The following CDC14B variants were observed in gnomAD, a reference collection of about 807,000 sequenced individuals.
CDC14B encodes the protein dual specificity protein phosphatase CDC14B.
Under a neutral mutation model 64.2 loss-of-function variants are expected in CDC14B, and 22 were observed. The ratio of observed to expected loss-of-function variants is 0.34; its 90% CI spans 0.24 to 0.49. The LOEUF is 0.49. Ranked by LOEUF, CDC14B falls within the 20% of genes least tolerant of loss-of-function variation. The probability of loss-of-function intolerance (pLI) is 0.99; values close to 1 mark genes in which losing one functional copy is unlikely to be tolerated. For synonymous variants in CDC14B, 191 were observed against 215.8 expected (o/e 0.89, Z 1.01); for missense variants, 498 against 629.9 (o/e 0.79, Z 2.24).
At chr9:96,606,527 T>TTGTGTGTGTG (rs376059971) in intron 1 of CDC14B, among the ~76,000 whole-genome samples, 1,231 of 112,822 alleles carry the variant, frequency 0.011, 14 homozygotes, top group Admixed American at 0.016. Context: ...TACTAAAAGT[T>TTGTGTGTGTG]TGTGTGTGTG....
At chr9:96,538,115 A>G (rs1221606724) in intron 7 of CDC14B, among the ~76,000 whole-genome samples, 3 of 152,214 alleles carry the variant, frequency 2.0e-5, no homozygotes, top group African/African-American at 7.2e-5. Context: ...AAAAACAAAG[A>G]TATTTTCCAG....
chr9:96,564,955 C>A, intron 2 of CDC14B, 103 bp from the exon 3 acceptor site: 2 of 699,068 alleles, frequency 2.9e-6, no homozygotes, highest in Non-Finnish European at 2.4e-6. Context: ...CAAGCATATA[C>A]CAAATTGTTA....
At chr9:96,547,239 T>A (rs1587912892) in intron 5 of CDC14B, among the ~76,000 whole-genome samples, 1 of 151,446 alleles carries the variant, frequency 6.6e-6, no homozygotes, top group East Asian at 2.0e-4. Flanking sequence ...CCGAGGCTGG[T>A]GGATCACCTG....
intron 1 of CDC14B, among the ~76,000 whole-genome samples, chr9:96,602,177 T>C (rs961932071): frequency 3.3e-5 from 5 of 152,228 alleles, no homozygotes; most frequent in African/African-American, 1.2e-4. Context: ...TTCTGGCCTG[T>C]GAGCTATGAG....
intron 1 of CDC14B, among the ~76,000 whole-genome samples, chr9:96,578,380 G>A (rs1257879937): frequency 1.3e-5 from 2 of 152,118 alleles, no homozygotes; most frequent in Non-Finnish European, 2.9e-5. Context: ...GACTTGTTTC[G>A]AAGAATACAG....
Position 96,501,315 on chromosome 9 carries a change from AT to A in CDC14B, c.*2437del, listed in dbSNP as rs1382819303. 1 of 152,070 alleles carries A rather than the reference AT, an allele frequency of 6.6e-6. No homozygotes were observed. The highest frequency in any genetic ancestry group is 2.4e-5 in the African/African-American group (1 of 41,404). 9.4% of individuals were successfully genotyped at this position (152,070 alleles called of 1,614,324 possible). ...ACCGTCCCAGTGTACTTTCAGGGCT[AT>A]TTAAGGCTCTTAGGTTAAGGGGATC... On this transcript the variant is annotated 3_prime_UTR_variant, in exon 14 of 14. Coordinates refer to ENST00000375241, the MANE Select transcript of CDC14B (RefSeq NM_033331.4).
intron 4 of CDC14B, among the ~76,000 whole-genome samples, chr9:96,554,083 G>T (rs572804005): frequency 1.1e-3 from 174 of 152,224 alleles, no homozygotes; most frequent in African/African-American, 3.9e-3. Context: ...AGAATCCCTT[G>T]AACCCAGGAG....
chr9:96,505,853 G>C (rs1212028664), intron 13 of CDC14B, among the ~76,000 whole-genome samples: 2 of 152,208 alleles, frequency 1.3e-5, no homozygotes, highest in African/African-American at 2.4e-5. Flanking sequence ...GGATACACGA[G>C]GGGATAGTCA....
chr9:96,600,386 T>A (rs1846355881), intron 1 of CDC14B, among the ~76,000 whole-genome samples: 1 of 152,066 alleles, frequency 6.6e-6, no homozygotes, highest in African/African-American at 2.4e-5. Flanking sequence ...CTCTTCACTT[T>A]ATACTTATTC....
At chr9:96,529,704 G>A (rs530104754) in intron 9 of CDC14B, among the ~76,000 whole-genome samples, 2 of 151,882 alleles carry the variant, frequency 1.3e-5, no homozygotes, top group South Asian at 2.1e-4. Flanking sequence ...TGCTGTCCAG[G>A]GTGGTCTTAA....
intron 1 of CDC14B, among the ~76,000 whole-genome samples, chr9:96,609,739 G>T (rs183121181): frequency 9.2e-4 from 140 of 152,278 alleles, no homozygotes; most frequent in African/African-American, 3.1e-3. Flanking sequence ...AGAAAGTAAT[G>T]TTACTTTCAA....
chr9:96,513,793 T>C (rs2131374139), intron 12 of CDC14B, among the ~76,000 whole-genome samples: 1 of 152,272 alleles, frequency 6.6e-6, no homozygotes, highest in East Asian at 1.9e-4. Context: ...TTTCCCACTA[T>C]CTCTGAGTCT....
intron 4 of CDC14B, among the ~76,000 whole-genome samples, chr9:96,552,819 C>T (rs1427279589): frequency 4.0e-5 from 6 of 151,816 alleles, no homozygotes; most frequent in Non-Finnish European, 7.4e-5. Context: ...GAGGCGGGAG[C>T]GGTGGGAAGG....
At chr9:96,556,029 C>T (rs140739286) in intron 4 of CDC14B, among the ~76,000 whole-genome samples, 19 of 152,240 alleles carry the variant, frequency 1.2e-4, no homozygotes, top group East Asian at 3.9e-4. Context: ...GCTGACAAGC[C>T]GGGCCTCAAA....
At chr9:96,574,227 G>A (rs2118107319) in intron 1 of CDC14B, among the ~76,000 whole-genome samples, 1 of 151,620 alleles carries the variant, frequency 6.6e-6, no homozygotes, top group East Asian at 1.9e-4. Flanking sequence ...TATTGGCACA[G>A]TGTACTATTG....
chr9:96,562,161 C>T (rs1843294812), intron 4 of CDC14B, among the ~76,000 whole-genome samples: 1 of 152,128 alleles, frequency 6.6e-6, no homozygotes, highest in Non-Finnish European at 1.5e-5. Flanking sequence ...GTATGTAACC[C>T]ATCTTCTGAC....
chr9:96,526,363 A>G (rs1416836347), intron 9 of CDC14B, among the ~76,000 whole-genome samples: 1 of 152,150 alleles, frequency 6.6e-6, no homozygotes, highest in Admixed American at 6.5e-5. Flanking sequence ...GCGAGACTCC[A>G]TCTCAAAAAA....
chr9:96,524,657 A>G (rs574711501), intron 9 of CDC14B, among the ~76,000 whole-genome samples: 3 of 152,266 alleles, frequency 2.0e-5, no homozygotes, highest in African/African-American at 7.2e-5. Context: ...CATAATGTGG[A>G]TGGGCCCCAT....
Position 96,564,791 on chromosome 9 carries a change from T to G in CDC14B, c.313A>C (p.Asn105His). 1 of 1,597,264 alleles carries G rather than the reference T, an allele frequency of 6.3e-7. No individual in the cohort carries two copies. Among genetic ancestry groups the G allele is most frequent in the Non-Finnish European group, 8.5e-7 (1 of 1,170,142 alleles). ...AMVYRYCCKINKKLKSITMLR... is the reference protein window; with the variant it reads ...AMVYRYCCKIHKKLKSITMLR... ...AAAGACTTTACCTTTAATTTCTTATTGATCTTGCAACAATATCTGTAAACC... is the reference window on the plus strand; with the variant it reads ...AAAGACTTTACCTTTAATTTCTTATGGATCTTGCAACAATATCTGTAAACC... Residue 105 changes from asparagine (N) to histidine (H), a missense_variant, in exon 3 of 14, where the codon AAT becomes CAT. Asn to His is a moderately conservative substitution (Grantham distance 68). Coordinates refer to ENST00000375241, the MANE Select transcript of CDC14B (RefSeq NM_033331.4).
Sources: gnomAD v4.1 joint callset for allele counts (sites outside exome capture counted in the v4.1 genomes callset) on GRCh38, gnomAD v4.1.1 for gene constraint, MANE v1.5 for transcripts, NCBI Gene and HGNC (gene_info 2026-07-23, HGNC 2026-07-21) for gene names.